Variants in ATAD3B observed in about 807,000 individuals in gnomAD.
ATAD3B encodes the protein ATPase family AAA domain containing 3B, also known as ATPase family AAA domain-containing protein 3B.
A neutral mutation model predicts 70.2 loss-of-function variants in ATAD3B; 59 were observed. The ratio of observed to expected loss-of-function variants is 0.84; its 90% CI spans 0.68 to 1.04. The LOEUF (loss-of-function observed/expected upper bound fraction) is 1.04, where lower values mean the gene tolerates loss of function less well. ATAD3B is among the 50% of genes least tolerant of loss of function. ATAD3B has a pLI of 0.00. For synonymous variants in ATAD3B, 423 were observed against 388.6 expected, an observed-to-expected ratio of 1.09 and a Z score of -1.04; for missense variants, 961 against 913.4, an observed-to-expected ratio of 1.05 and a Z score of -0.67.
the ATAD3B span, among the ~76,000 whole-genome samples, chr1:1,506,025 G>A: frequency 4.6e-5 from 7 of 152,110 alleles, no homozygotes; most frequent in Non-Finnish European, 8.8e-5. Flanking sequence ...CTGAGGTCAG[G>A]AGTTCGACAC....
intron 1 of ATAD3B, among the ~76,000 whole-genome samples, chr1:1,472,740 G>A (rs1044963073): frequency 3.3e-5 from 5 of 152,184 alleles, no homozygotes; most frequent in African/African-American, 1.2e-4. Context: ...GTAGCACGAT[G>A]CAGTTCAAAT....
In ATAD3B at chr1:1,490,004, G is replaced by C. The variant is rs819979; in HGVS notation, c.1338-253G>C. 7,629 of 1,345,090 alleles carry C rather than the reference G, an allele frequency of 5.7e-3. 400 individuals carry two copies. In the African/African-American group the frequency reaches 0.1, roughly 18 times the overall value. The allele number at this position is 1,345,090 out of a possible 1,614,324, so 83.3% of individuals were successfully genotyped here. A position where few individuals can be genotyped will look rare whatever the true frequency, so the allele number is the denominator to read the frequency against. The stretch of plus-strand genomic sequence containing the variant: ...CGGCACTGCCTATCAGGCTGGGCGA[G>C]GGTCAGCGGGGAAGTACCACACAGG... On this transcript the variant is annotated intron_variant, in intron 13 of 15. Transcript: ENST00000673477.
chr1:1,500,607 A>G (rs1265696906), downstream of ATAD3B, among the ~76,000 whole-genome samples: 1 of 149,158 alleles, frequency 6.7e-6, no homozygotes, highest in Non-Finnish European at 1.5e-5. Context: ...TCAGTCTAAT[A>G]TATATATATA....
rs1443402328 is a variant in ATAD3B at position 1,495,685 on chromosome 1, C to A, written c.1815C>A (p.Pro605=). The A allele has an allele frequency of 4.3e-6, 7 of 1,613,092 alleles. No individual in the cohort carries two copies. The Admixed American group carries it at 8.3e-5, about 19-fold the overall frequency. ...SWSLATDPSY[P]CLAGPCTFRI... ...GCCTGGCCACGGACCCCTCCTACCC[C>A]TGCCTTGCCGGCCCCTGCACATTTA... Residue 605 remains proline (P), a synonymous_variant, in exon 16 of 16, where the codon CCC becomes CCA. Coordinates refer to ENST00000673477, the MANE Select transcript of ATAD3B (RefSeq NM_031921.6).
rs184752026 is a variant in ATAD3B at position 1,475,780 on chromosome 1, C to T, written c.206-1494C>T. Among the ~76,000 whole-genome samples the T allele has an allele frequency of 1.2e-4, 19 of 152,028 alleles. 1 individual carries two copies. Among genetic ancestry groups the T allele is most frequent in the Non-Finnish European group, 2.4e-4 (16 of 67,952 alleles). On this transcript the variant is annotated intron_variant, in intron 1 of 15. Coordinates refer to ENST00000673477, the MANE Select transcript of ATAD3B (RefSeq NM_031921.6). ...CACCAAAGTGGTGAATGATTGTTCT[C>T]ATTCTAATAACCGAGAGGCCACACG...
In ATAD3B at chr1:1,495,528, T is replaced by G. The variant is rs764180466; in HGVS notation, c.1658T>G (p.Met553Arg). 1 of 1,612,402 alleles carries G rather than the reference T, an allele frequency of 6.2e-7. No individual in the cohort carries two copies. The change falls in exon 16 of 16, where the codon ATG becomes AGG. Residue 553 changes from methionine to arginine, a missense_variant. Met to Arg is a moderately conservative substitution (Grantham distance 91). This residue lies in a region of ATAD3B where 417 missense variants were observed against 335.0 expected (regional missense o/e 1.24). Transcript: ENST00000673477. ...ASKDGVLTEAMMDACVQDAVQ... is the reference protein window; with the variant it reads ...ASKDGVLTEARMDACVQDAVQ... ...AAGGACGGGGTCCTCACTGAGGCCA[T>G]GATGGACGCCTGTGTGCAAGATGCT...
At chr1:1,505,690 CTT>C in the ATAD3B span, among the ~76,000 whole-genome samples, 1 of 152,130 alleles carries the variant, frequency 6.6e-6, no homozygotes, top group Non-Finnish European at 1.5e-5. Context: ...GGCTCGCACT[CTT>C]GTCTTCCGGT....
chr1:1,493,544 T>A (rs1640637983), intron 15 of ATAD3B, among the ~76,000 whole-genome samples: 1 of 151,924 alleles, frequency 6.6e-6, no homozygotes, highest in African/African-American at 2.4e-5. Flanking sequence ...CTCGAACTCC[T>A]GACGTCAGGT....
chr1:1,486,521 C>T (rs762315264), intron 10 of ATAD3B, 23 bp from the exon 11 acceptor site: 7 of 1,611,910 alleles, frequency 4.3e-6, no homozygotes, highest in East Asian at 2.2e-5. Context: ...TCTGTTCTGT[C>T]TCCCCTCACT....
chr1:1,481,615 TAATGTTCAGTAGCCAGGC>T (rs1361814572), intron 5 of ATAD3B, among the ~76,000 whole-genome samples: 1 of 120,406 alleles, frequency 8.3e-6, no homozygotes, highest in Non-Finnish European at 1.7e-5. Context: ...TGTGTGCGTT[TAATGTTCAGTAGCCAGGC>T]ACGTGGCACG....
At chr1:1,505,621 C>T in the ATAD3B span, among the ~76,000 whole-genome samples, 9 of 152,140 alleles carry the variant, frequency 5.9e-5, no homozygotes, top group Admixed American at 4.6e-4. Flanking sequence ...CCTTCCCAGG[C>T]GCTGGCGTTA....
chr1:1,488,972 A>T (rs972970975), intron 12 of ATAD3B, among the ~76,000 whole-genome samples: 1 of 151,852 alleles, frequency 6.6e-6, no homozygotes, highest in African/African-American at 2.4e-5. Flanking sequence ...CATGTTGGCC[A>T]GGCTGGTCTC....
At chr1:1,477,219 A>T (rs1639637394) in intron 1 of ATAD3B, 55 bp from the exon 2 acceptor site, 4 of 1,601,042 alleles carry the variant, frequency 2.5e-6, no homozygotes, top group Non-Finnish European at 3.4e-6. Context: ...CATGTTGGCC[A>T]GGCTTTGGTA....
the ATAD3B span, chr1:1,503,584 G>T: frequency 1.2e-6 from 2 of 1,610,866 alleles, no homozygotes; most frequent in Admixed American, 1.7e-5. Flanking sequence ...GTGCCTGCAG[G>T]CCACATCAAA....
the ATAD3B span, chr1:1,509,230 G>A: frequency 6.2e-6 from 10 of 1,612,858 alleles, no homozygotes; most frequent in Non-Finnish European, 8.5e-6. Context: ...TCCGAGGACG[G>A]GGTCCTGACC....
At chr1:1,508,248 T>C in the ATAD3B span, among the ~76,000 whole-genome samples, 1 of 151,116 alleles carries the variant, frequency 6.6e-6, no homozygotes, top group East Asian at 1.9e-4. Context: ...CCCACAGTGG[T>C]GGTCCAGCTC....
chr1:1,485,869 G>A (rs547499408), intron 9 of ATAD3B, 31 bp downstream of exon 9: 12 of 1,612,608 alleles, frequency 7.4e-6, no homozygotes, highest in African/African-American at 5.3e-5. Context: ...CCGGGGAGGT[G>A]CAGGGAGGGG....
chr1:1,490,730 A>G, intron 15 of ATAD3B, 59 bp downstream of exon 15: 1 of 1,535,580 alleles, frequency 6.5e-7, no homozygotes, highest in East Asian at 2.4e-5. Context: ...GGAGATGCTC[A>G]GTTGCGCCAG....
rs1480994139 is a variant in ATAD3B at position 1,488,976 on chromosome 1, T to C, written c.1267-228T>C. On this transcript the variant is annotated intron_variant, in intron 12 of 15. Coordinates refer to ENST00000673477, the MANE Select transcript of ATAD3B (RefSeq NM_031921.6). ...TGGGGTCTCACCATGTTGGCCAGGCTGGTCTCAAACTCCCTACCTCAGGTG... is the reference window on the plus strand; with the variant it reads ...TGGGGTCTCACCATGTTGGCCAGGCCGGTCTCAAACTCCCTACCTCAGGTG... 2.6e-5 allele frequency among the ~76,000 whole-genome samples: 4 copies of C among 151,922 alleles called. 1 individual carries two copies. The highest frequency in any genetic ancestry group is 5.9e-5 in the Non-Finnish European group (4 of 67,934).
Sources: allele counts gnomAD v4.1 joint callset (sites outside exome capture counted in the v4.1 genomes callset), GRCh38; gene constraint gnomAD v4.1.1; regional missense constraint gnomAD v4.1.1; transcripts MANE v1.5; gene names NCBI Gene and HGNC (gene_info 2026-07-23, HGNC 2026-07-21).